CARMIL1: variants seen among roughly 807,000 people sequenced by gnomAD.
The protein encoded by CARMIL1 is capping protein regulator and myosin 1 linker 1, also known as F-actin-uncapping protein LRRC16A.
Under a neutral mutation model 177.1 loss-of-function variants are expected in CARMIL1, and 90 were observed. That is an observed-to-expected ratio of 0.51 (90% CI 0.43 to 0.61). The LOEUF is 0.61. CARMIL1 is among the 20% of genes least tolerant of loss of function. The probability of loss-of-function intolerance (pLI) is 0.00; values close to 1 mark genes in which losing one functional copy is unlikely to be tolerated. For missense variants in CARMIL1, 1,380 were observed against 1,667.0 expected (o/e 0.83, Z 3.00); for synonymous variants, 577 against 606.2 (o/e 0.95, Z 0.71).
intron 36 of CARMIL1, among the ~76,000 whole-genome samples, chr6:25,615,196 T>C (rs1275664046): frequency 1.3e-5 from 2 of 152,266 alleles, no homozygotes; most frequent in Non-Finnish European, 2.9e-5. Flanking sequence ...TAATTGCTTA[T>C]ACTTTCTTTT....
chr6:25,472,368 G>T lies in CARMIL1; in HGVS notation c.780-59G>T, dbSNP rs573898711. On this transcript the variant is annotated intron_variant, in intron 10 of 36. Transcript: ENST00000329474. ...TTTCACTCTGTTCTAAGCTTTAAAT[G>T]TTCCGTTCGAATGGTTTTACATTTT... 41 of 1,166,876 alleles carry T rather than the reference G, an allele frequency of 3.5e-5. 1 individual carries two copies. In the South Asian group the frequency reaches 3.7e-4, roughly 11 times the overall value. The allele number at this position is 1,166,876 out of a possible 1,614,324, so 72.3% of individuals were successfully genotyped here.
At chr6:25,593,959 G>A (rs1814567149) in intron 31 of CARMIL1, among the ~76,000 whole-genome samples, 1 of 152,116 alleles carries the variant, frequency 6.6e-6, no homozygotes, top group Admixed American at 6.6e-5. Context: ...TCAGGGGAGA[G>A]GGTTAGGGGA....
At chr6:25,323,515 G>A (rs372532963) in intron 2 of CARMIL1, among the ~76,000 whole-genome samples, 12 of 151,980 alleles carry the variant, frequency 7.9e-5, no homozygotes, top group Non-Finnish European at 1.6e-4. Flanking sequence ...AGGCTGAGGC[G>A]GGAGGATTGC....
At position 25,537,920 on chromosome 6, in the gene CARMIL1, C is replaced by T. The variant is rs372941279; in HGVS notation, c.2133C>T (p.Asp711=). The stretch of plus-strand genomic sequence containing the variant: ...ACTCCTTACGAAATTGTGGGGGAGA[C>T]GCTATCCAGGAAGATTTAAAATCAG... ...HLNSLRNCGG[D]AIQEDLKSAE... Residue 711 remains aspartate (D), a synonymous_variant, in exon 25 of 37, where the codon GAC becomes GAT. Coordinates refer to ENST00000329474, the MANE Select transcript of CARMIL1 (RefSeq NM_017640.6). 3.7e-5 allele frequency: 59 copies of T among 1,607,208 alleles called. No homozygotes were observed. The highest frequency in any genetic ancestry group is 1.7e-4 in the African/African-American group (13 of 74,804).
intron 17 of CARMIL1, chr6:25,507,565 T>C (rs1805034301): frequency 1.3e-5 from 2 of 152,628 alleles, no homozygotes; most frequent in Admixed American, 6.5e-5. Context: ...GTATGTTTTA[T>C]GTGTGTATAC....
intron 2 of CARMIL1, among the ~76,000 whole-genome samples, chr6:25,383,922 T>A (rs1035563610): frequency 2.6e-5 from 4 of 152,292 alleles, no homozygotes; most frequent in Admixed American, 6.5e-5. Context: ...CACTGCAACC[T>A]CCACCTCCTG....
At chr6:25,525,709 A>G (rs1343503762) in intron 23 of CARMIL1, among the ~76,000 whole-genome samples, 4 of 152,220 alleles carry the variant, frequency 2.6e-5, no homozygotes, top group African/African-American at 9.6e-5. Context: ...TAAGTTACCT[A>G]CACTACTCAT....
intron 10 of CARMIL1, among the ~76,000 whole-genome samples, 188 bp from the exon 11 acceptor site, chr6:25,472,239 G>A (rs1046894368): frequency 6.6e-5 from 10 of 151,932 alleles, no homozygotes; most frequent in East Asian, 1.9e-4. Flanking sequence ...AGAATGAACC[G>A]TTTTCTGGCT....
At chr6:25,368,703 C>A (rs1376169054) in intron 2 of CARMIL1, among the ~76,000 whole-genome samples, 3 of 152,178 alleles carry the variant, frequency 2.0e-5, no homozygotes, top group Non-Finnish European at 4.4e-5. Flanking sequence ...CTGGAGTCCT[C>A]TTGTCTACCT....
At chr6:25,281,136 G>GCGCGCGCACACACACACACACACACA (rs10642536) in intron 1 of CARMIL1, among the ~76,000 whole-genome samples, 3 of 132,102 alleles carry the variant, frequency 2.3e-5, no homozygotes, top group Non-Finnish European at 3.1e-5. Flanking sequence ...GTGCGCGCGC[G>GCGCGCGCACACACACACACACACACA]CACACACACA....
At chr6:25,548,961 T>A (rs1809793552) in intron 26 of CARMIL1, among the ~76,000 whole-genome samples, 1 of 152,208 alleles carries the variant, frequency 6.6e-6, no homozygotes, top group Admixed American at 6.5e-5. Flanking sequence ...TGGATGAAGT[T>A]ACTTTTAAAG....
rs78873553 is a variant in CARMIL1, at chr6:25,501,378, G to A, written c.1395+1143G>A. Among the ~76,000 whole-genome samples the A allele has an allele frequency of 5.5e-3, 833 of 152,206 alleles. 4 individuals are homozygous for A. Among genetic ancestry groups the A allele is most frequent in the Admixed American group, 7.7e-3 (117 of 15,292 alleles). Reference sequence around the variant, plus strand: ...CCTGCATGCGTGCATCAGCTTCCTAGGCTATGCAATCCTGGATGAATTGGT... The same window carrying A: ...CCTGCATGCGTGCATCAGCTTCCTAAGCTATGCAATCCTGGATGAATTGGT... On this transcript the variant is annotated intron_variant, in intron 17 of 36. Coordinates refer to ENST00000329474, the MANE Select transcript of CARMIL1 (RefSeq NM_017640.6).
At chr6:25,329,922 T>C (rs768408956) in intron 2 of CARMIL1, among the ~76,000 whole-genome samples, 38 of 152,230 alleles carry the variant, frequency 2.5e-4, no homozygotes, top group Non-Finnish European at 7.3e-5. Context: ...CATTAGTCTC[T>C]GATATGAGTT....
rs558725404 is a variant in CARMIL1, at chr6:25,360,701, G to A, written c.139-59413G>A. 3.3e-5 allele frequency among the ~76,000 whole-genome samples: 5 copies of A among 152,346 alleles called. No individual in the cohort carries two copies. In the South Asian group the frequency reaches 1.0e-3, roughly 32 times the overall value. The stretch of plus-strand genomic sequence containing the variant: ...ATACTGCAGGGGGACTGTTGAGAAA[G>A]AGTAACAGGGACATATTGGGAAGTG... On this transcript the variant is annotated intron_variant, in intron 2 of 36. Coordinates refer to ENST00000329474, the MANE Select transcript of CARMIL1 (RefSeq NM_017640.6).
chr6:25,565,167 A>C (rs906606279), intron 29 of CARMIL1, among the ~76,000 whole-genome samples: 1 of 152,216 alleles, frequency 6.6e-6, no homozygotes, highest in Non-Finnish European at 1.5e-5. Context: ...GAGGAACCCA[A>C]TTTGGGGAGG....
intron 29 of CARMIL1, among the ~76,000 whole-genome samples, chr6:25,571,623 A>T (rs1470401380): frequency 6.6e-6 from 1 of 152,210 alleles, no homozygotes; most frequent in African/African-American, 2.4e-5. Context: ...ACAATGGAGC[A>T]CAGCTGGAAA....
chr6:25,576,076 C>A (rs1171405639), intron 29 of CARMIL1, among the ~76,000 whole-genome samples: 1 of 152,064 alleles, frequency 6.6e-6, no homozygotes, highest in East Asian at 1.9e-4. Flanking sequence ...TACAACTGGA[C>A]TTCTTTTTTG....
intron 2 of CARMIL1, among the ~76,000 whole-genome samples, chr6:25,373,444 A>T (rs1409228211): frequency 1.3e-5 from 2 of 149,544 alleles, no homozygotes; most frequent in Non-Finnish European, 3.0e-5. Flanking sequence ...TCCTGATTCA[A>T]GCTAGGAAGA....
At chr6:25,305,655 A>T (rs909157854) in intron 2 of CARMIL1, among the ~76,000 whole-genome samples, 1 of 152,196 alleles carries the variant, frequency 6.6e-6, no homozygotes, top group African/African-American at 2.4e-5. Context: ...CATCACACGG[A>T]AACTATTGAT....
Sources: allele counts gnomAD v4.1 joint callset (sites outside exome capture counted in the v4.1 genomes callset), GRCh38; gene constraint gnomAD v4.1.1; transcripts MANE v1.5; gene names NCBI Gene and HGNC (gene_info 2026-07-23, HGNC 2026-07-21).